The following NEB variants were observed in gnomAD, a reference collection of about 807,000 sequenced individuals.
The protein encoded by NEB is nemaline myopathy type 2.
In NEB, 512 loss-of-function variants were observed where a neutral mutation model predicts 952.2. The observed-to-expected ratio is 0.54, with a 90% CI of 0.50 to 0.58. The LOEUF (loss-of-function observed/expected upper bound fraction) is 0.58. Ranked by LOEUF, NEB falls within the 20% of genes least tolerant of loss-of-function variation. The pLI is 0.00. For missense variants in NEB, 8,428 were observed against 9,231.1 expected (o/e 0.91, Z 3.56); for synonymous variants, 2,900 against 3,149.8 (o/e 0.92, Z 2.66).
At chr2:151,574,642 A>G (rs1489758366) in intron 107 of NEB, among the ~76,000 whole-genome samples, 1 of 152,148 alleles carries the variant, frequency 6.6e-6, no homozygotes, top group Non-Finnish European at 1.5e-5. Flanking sequence ...CCAGTTGATT[A>G]TATCTTATCA....
intron 28 of NEB, among the ~76,000 whole-genome samples, chr2:151,683,095 C>T (rs184019514): frequency 6.6e-5 from 10 of 152,112 alleles, no homozygotes; most frequent in Non-Finnish European, 1.3e-4. Flanking sequence ...AAATGTGAGA[C>T]GTTTGTTCCC....
In NEB at chr2:151,640,662, T is replaced by C; in HGVS notation, c.8378A>G (p.Lys2793Arg). 2 of 1,607,426 alleles carry C rather than the reference T, an allele frequency of 1.2e-6. No homozygotes were observed. The highest frequency in any genetic ancestry group is 1.7e-6 in the Non-Finnish European group (2 of 1,175,284). The change falls in exon 61 of 182, where the codon AAG (lysine) becomes AGG (arginine). Residue 2793 changes from lysine (K) to arginine (R), a missense_variant. This residue lies in a region of NEB where 1,772 missense variants were observed against 1,960.3 expected (regional missense o/e 0.90). Coordinates refer to ENST00000397345, the MANE Select transcript of NEB (RefSeq NM_001164508.2). ...CTGCTTACGATAGCCTTCTTTGTAC[T>C]TGAACTAAAAGAAGAAAAAGACAGA... ...KASRDIASEF[K>R]YKEGYRKQLG...
rs757230955 is a variant in NEB, at chr2:151,697,447, T to A, written c.1268A>T (p.Lys423Ile). 1.2e-6 allele frequency: 2 copies of A among 1,613,194 alleles called. No homozygotes were observed. Among genetic ancestry groups the A allele is most frequent in the Non-Finnish European group, 1.7e-6 (2 of 1,179,376 alleles). The change falls in exon 15 of 182, where the codon AAA becomes ATA. Residue 423 changes from lysine to isoleucine, a missense_variant. By Grantham distance (102) the Lys-to-Ile change is moderately radical. Coordinates refer to ENST00000397345, the MANE Select transcript of NEB (RefSeq NM_001164508.2). ...CAAAATATCTTTTAAGTAGGAATCT[T>A]TATATTTTTTCTGCAAGACAAAACA... ...LQNFSSDKKYKDSYLKDILGH... is the reference protein window; with the variant it reads ...LQNFSSDKKYIDSYLKDILGH...
chr2:151,494,248 C>T lies in NEB; in HGVS notation c.24492G>A (p.Leu8164=), dbSNP rs746579007. ...TGGCTTTCCCCACATTTTCTTTGTA[C>T]AAAACCTATGGGAATCCAATGGGTC... ...KHNQENISSV[L]YKENVGKATA... Residue 8164 remains leucine, a synonymous_variant, in exon 174 of 182, where the codon TTG becomes TTA. Transcript: ENST00000397345. The T allele has an allele frequency of 1.3e-6, 2 of 1,594,226 alleles. No homozygotes were observed. Among genetic ancestry groups the T allele is most frequent in the East Asian group, 4.5e-5 (2 of 44,542 alleles).
In NEB at chr2:151,617,443, T is replaced by C. The variant is rs942336459; in HGVS notation, c.11102A>G (p.Asn3701Ser). 2 of 1,551,614 alleles carry C rather than the reference T, an allele frequency of 1.3e-6. 1 individual carries two copies. The highest frequency in any genetic ancestry group is 1.7e-6 in the Non-Finnish European group (2 of 1,148,186). ...CATGACATGAATAGTTTTCTTGTCA[T>C]TGTCCCAGGCTTCAGTATATAAGCG... Reference protein sequence around the residue: ...NKRLYTEAWDNDKKTIHVMPD... With the variant: ...NKRLYTEAWDSDKKTIHVMPD... Residue 3701 changes from asparagine (N) to serine (S), a missense_variant, in exon 75 of 182, where the codon AAT becomes AGT. By Grantham distance (46) the Asn-to-Ser change is conservative. Around this residue, in one of 11 missense-constraint regions of NEB, gnomAD observed 1,772 missense variants for 1,960.3 expected, o/e 0.90. Coordinates refer to ENST00000397345, the MANE Select transcript of NEB (RefSeq NM_001164508.2).
chr2:151,601,076 T>C (rs1487269699), intron 88 of NEB, among the ~76,000 whole-genome samples: 9 of 123,380 alleles, frequency 7.3e-5, no homozygotes, highest in Admixed American at 6.1e-4. Context: ...TAATTCTTTG[T>C]TGAAATTTTT....
intron 148 of NEB, among the ~76,000 whole-genome samples, chr2:151,526,574 G>A (rs1168766735): frequency 6.6e-6 from 1 of 152,160 alleles, no homozygotes; most frequent in Admixed American, 6.5e-5. Context: ...CGTCTTTACA[G>A]AGGAGGAAAC....
chr2:151,690,914 A>G (rs1406915608), intron 23 of NEB, 89 bp from the exon 24 acceptor site: 2 of 949,214 alleles, frequency 2.1e-6, no homozygotes, highest in Non-Finnish European at 1.7e-6. Context: ...GTCAAAACAG[A>G]GTTTATTTTG....
chr2:151,628,012 G>C (rs190510381), intron 68 of NEB, among the ~76,000 whole-genome samples, 178 bp from the exon 69 acceptor site: 10 of 152,052 alleles, frequency 6.6e-5, no homozygotes, highest in Non-Finnish European at 1.5e-4. Flanking sequence ...TAATCTAATG[G>C]GCAGTAGTCT....
rs1409046800 is a variant in NEB at position 151,620,958 on chromosome 2, G to A, written c.10521C>T (p.Pro3507=). 6.2e-7 allele frequency: 1 copy of A among 1,612,926 alleles called. No individual in the cohort carries two copies. Among genetic ancestry groups the A allele is most frequent in the Non-Finnish European group, 8.5e-7 (1 of 1,179,486 alleles). The change falls in exon 72 of 182, where the codon CCC becomes CCT. Residue 3507 remains proline (P), a synonymous_variant. Coordinates refer to ENST00000397345, the MANE Select transcript of NEB (RefSeq NM_001164508.2). ...CCCGAGAGGCCTTGGCAGCCACAAT[G>A]GGAATGGCATCACTTCTCAAGTCAT... is the stretch of plus-strand genomic sequence containing the variant. ...EGYDLRSDAI[P]IVAAKASRDI...
At position 151,664,802 on chromosome 2, in the gene NEB, G is replaced by A. The variant is rs370000978; in HGVS notation, c.5300C>T (p.Pro1767Leu). 171 of 1,612,898 alleles carry A rather than the reference G, an allele frequency of 1.1e-4. No homozygotes were observed. The highest frequency in any genetic ancestry group is 1.4e-4 in the Non-Finnish European group (161 of 1,179,344). ...KTTIHVMPDTPDILLSRVNQI... is the reference protein window; with the variant it reads ...KTTIHVMPDTLDILLSRVNQI... ...GTTTACTCTGGAGAGTAAAATATCC[G>A]GTGTGTCAGGCATGACATGAATGGT... The change falls in exon 43 of 182, where the codon CCG becomes CTG. Residue 1767 changes from proline to leucine, a missense_variant. By Grantham distance (98) the Pro-to-Leu change is moderately conservative. Coordinates refer to ENST00000397345, the MANE Select transcript of NEB (RefSeq NM_001164508.2).
chr2:151,673,008 T>C (rs916148454), intron 36 of NEB, among the ~76,000 whole-genome samples: 31 of 152,220 alleles, frequency 2.0e-4, no homozygotes, highest in African/African-American at 7.2e-4. Context: ...CTTGGTTTCA[T>C]AGGGTTTCAT....
intron 29 of NEB, among the ~76,000 whole-genome samples, chr2:151,681,293 C>A (rs1030502941): frequency 9.9e-5 from 15 of 152,186 alleles, no homozygotes; most frequent in African/African-American, 3.1e-4. Flanking sequence ...AGGAACTAGG[C>A]CAACAGCTAG....
intron 105 of NEB, among the ~76,000 whole-genome samples, chr2:151,578,934 C>T (rs556314125): frequency 2.2e-4 from 33 of 150,854 alleles, no homozygotes; most frequent in East Asian, 1.0e-3. Flanking sequence ...ATACAAAAAT[C>T]AGCTGGGTGT....
intron 173 of NEB, among the ~76,000 whole-genome samples, chr2:151,494,794 G>C (rs907159466): frequency 6.6e-6 from 1 of 152,046 alleles, no homozygotes; most frequent in Non-Finnish European, 1.5e-5. Context: ...GATTACAGGC[G>C]TGCACCACCA....
At position 151,561,137 on chromosome 2, in the gene NEB, CCT is replaced by C. The variant is rs774225336; in HGVS notation, c.19102-31_19102-30del. The C allele has an allele frequency of 1.9e-5, 30 of 1,564,728 alleles. No individual in the cohort carries two copies. Among genetic ancestry groups the C allele is most frequent in the Non-Finnish European group, 2.4e-5 (27 of 1,140,652 alleles). The stretch of plus-strand genomic sequence containing the variant: ...TAGACAAGCAACAATAGGTTATTCA[CCT>C]CTGTTGTTAGAAAATACATAAAGAC... On this transcript the variant is annotated intron_variant, in intron 122 of 181. Transcript: ENST00000397345.
chr2:151,559,504 C>A (rs929327336), intron 124 of NEB, among the ~76,000 whole-genome samples: 1 of 152,160 alleles, frequency 6.6e-6, no homozygotes, highest in Non-Finnish European at 1.5e-5. Context: ...ATGTTTATTG[C>A]AGCACTCTTC....
At chr2:151,507,149 GC>G in intron 162 of NEB, 136 bp from the exon 163 acceptor site, 2 of 583,330 alleles carry the variant, frequency 3.4e-6, no homozygotes, top group Non-Finnish European at 5.9e-6. Context: ...TGGTCTGGTA[GC>G]CCAAGGGAAA....
At chr2:151,578,428 G>A (rs1461681066) in intron 105 of NEB, among the ~76,000 whole-genome samples, 1 of 151,582 alleles carries the variant, frequency 6.6e-6, no homozygotes, top group African/African-American at 2.4e-5. Flanking sequence ...GGGAGGCCAA[G>A]GCAGGTGGAT....
Sources: gnomAD v4.1 joint callset for allele counts (sites outside exome capture counted in the v4.1 genomes callset) on GRCh38, gnomAD v4.1.1 for gene constraint, gnomAD v4.1.1 regional missense constraint, MANE v1.5 for transcripts, NCBI Gene and HGNC (gene_info 2026-07-23, HGNC 2026-07-21) for gene names.